Variants in FHAD1 observed in about 807,000 individuals in gnomAD.
FHAD1 encodes forkhead-associated domain-containing protein 1.
Under a neutral mutation model 191.3 loss-of-function variants are expected in FHAD1, and 146 were observed. That is an observed-to-expected ratio of 0.76 (90% CI 0.67 to 0.88). FHAD1 has a LOEUF of 0.88. Among genes scored for constraint, FHAD1 ranks in the 40% least tolerant of loss-of-function variants. FHAD1 has a pLI of 0.00. For missense variants in FHAD1, 1,635 were observed against 1,785.8 expected (o/e 0.92, Z 1.52); for synonymous variants, 616 against 672.3 (o/e 0.92, Z 1.29).
Position 15,328,629 on chromosome 1 carries a change from G to A in FHAD1, c.1710+200G>A, listed in dbSNP as rs573161034. 3.8e-5 allele frequency: 17 copies of A among 443,276 alleles called. No individual in the cohort carries two copies. The South Asian group carries it at 4.0e-4, about 10-fold the overall frequency. The allele number at this position is 443,276 out of a possible 1,614,324, so 27.5% of individuals were successfully genotyped here. Reference sequence around the variant, plus strand: ...AAAATGCCTCCCGGGAGAACTTGGCGTGTCCAAAAAAGATGCCTGAGCATC... The same window carrying A: ...AAAATGCCTCCCGGGAGAACTTGGCATGTCCAAAAAAGATGCCTGAGCATC... On this transcript the variant is annotated intron_variant, in intron 13 of 33. Transcript: ENST00000688493.
chr1:15,366,413 A>G (rs1212774050), intron 24 of FHAD1, among the ~76,000 whole-genome samples: 1 of 151,610 alleles, frequency 6.6e-6, no homozygotes, highest in Non-Finnish European at 1.5e-5. Context: ...CCTGATTCCT[A>G]CCCGCACTGA....
intron 2 of FHAD1, among the ~76,000 whole-genome samples, chr1:15,272,074 T>C (rs1323618965): frequency 6.6e-6 from 1 of 152,200 alleles, no homozygotes; most frequent in Non-Finnish European, 1.5e-5. Flanking sequence ...ATTTCCCCAC[T>C]CAACAACTTA....
In FHAD1 at chr1:15,318,882, A is replaced by C. The variant is rs1299805590; in HGVS notation, c.1365+954A>C. Among the ~76,000 whole-genome samples, 1 of 152,222 alleles carries C rather than the reference A, an allele frequency of 6.6e-6. No individual in the cohort carries two copies. Among genetic ancestry groups the C allele is most frequent in the Non-Finnish European group, 1.5e-5 (1 of 68,030 alleles). ...ATCACACATTTATTTTAATTTTTTT[A>C]ACTGAAAATATCTTCGAGAGTCCTG... On this transcript the variant is annotated intron_variant, in intron 10 of 33. Transcript: ENST00000688493. This position sits in a 1 kb window ranked among gnomAD's most constrained non-coding sequence, Gnocchi z 4.1.
chr1:15,263,607 C>T (rs777774673), intron 2 of FHAD1, among the ~76,000 whole-genome samples: 3 of 150,636 alleles, frequency 2.0e-5, no homozygotes, highest in East Asian at 2.0e-4. Context: ...CTGCAAGCTC[C>T]GCCTCACGGG....
chr1:15,402,247 C>A (rs1707145349), downstream of FHAD1, among the ~76,000 whole-genome samples: 1 of 152,230 alleles, frequency 6.6e-6, no homozygotes, highest in Non-Finnish European at 1.5e-5. Flanking sequence ...TACTCCTTTT[C>A]AAATTCTGAT....
intron 31 of FHAD1, chr1:15,384,018 A>G (rs1259358142): frequency 2.7e-5 from 6 of 225,254 alleles, no homozygotes; most frequent in African/African-American, 1.0e-4. Context: ...GTGTGTGCAC[A>G]TGTGTACCAT....
intron 33 of FHAD1, 42 bp from the exon 34 acceptor site, chr1:15,397,230 ACTTGAGTGGAACAATTGGAGTCTTG>A (rs1264853287): frequency 1.4e-6 from 1 of 701,336 alleles, no homozygotes; most frequent in African/African-American, 1.8e-5. Flanking sequence ...TAACAAAACC[ACTTGAGTGGAACAATTGGAGTCTTG>A]CTGCAATGGA....
intron 28 of FHAD1, among the ~76,000 whole-genome samples, chr1:15,378,028 G>T (rs547951687): frequency 6.6e-6 from 1 of 152,164 alleles, no homozygotes; most frequent in Admixed American, 6.5e-5. Context: ...TTCAGGCCAG[G>T]CACGGTGGCT....
chr1:15,259,524 A>C (rs1285915203), intron 2 of FHAD1, among the ~76,000 whole-genome samples: 3 of 152,200 alleles, frequency 2.0e-5, no homozygotes, highest in Non-Finnish European at 2.9e-5. Flanking sequence ...ACATCTAAAA[A>C]TCTAAATATC....
chr1:15,332,897 C>T (rs1183226601), intron 14 of FHAD1, among the ~76,000 whole-genome samples: 2 of 152,172 alleles, frequency 1.3e-5, no homozygotes, highest in South Asian at 2.1e-4. Context: ...CTTGTTAACA[C>T]GCACCCTGGG....
chr1:15,343,800 G>C (rs1047375264), intron 16 of FHAD1: 3 of 152,188 alleles, frequency 2.0e-5, no homozygotes, highest in Non-Finnish European at 4.4e-5. Flanking sequence ...AATCTTCGCA[G>C]AACTCTCCAC....
chr1:15,302,222 G>C (rs1303534365), intron 6 of FHAD1, among the ~76,000 whole-genome samples: 1 of 152,194 alleles, frequency 6.6e-6, no homozygotes, highest in Non-Finnish European at 1.5e-5. Flanking sequence ...CAGCCAGAGA[G>C]AGCTATGGGA....
At position 15,360,603 on chromosome 1, in the gene FHAD1, C is replaced by T. The variant is rs564833185; in HGVS notation, c.2862C>T (p.His954=). 9 of 1,552,058 alleles carry T rather than the reference C, an allele frequency of 5.8e-6. No individual in the cohort carries two copies. The highest frequency in any genetic ancestry group is 2.7e-5 in the African/African-American group (2 of 73,142). ...AATATAAGGAGCAAATCAAACAGCA[C>T]GCCCAGACAATTGTGAGCCTCGAAG... ...IMEYKEQIKQ[H]AQTIVSLEEK... The change falls in exon 22 of 34, where the codon CAC becomes CAT. Residue 954 remains histidine, a synonymous_variant. Coordinates refer to ENST00000688493, the MANE Select transcript of FHAD1 (RefSeq NM_001391957.1).
chr1:15,357,390 C>T (rs752538488), intron 20 of FHAD1, among the ~76,000 whole-genome samples: 3 of 151,970 alleles, frequency 2.0e-5, no homozygotes, highest in Non-Finnish European at 2.9e-5. Flanking sequence ...TTTGGGAGGC[C>T]GAGGCAGGCG....
rs1653710170 is a variant in FHAD1 at position 15,266,765 on chromosome 1, CT to C, written c.94-5557del. Among the ~76,000 whole-genome samples, 3 of 152,182 alleles carry C rather than the reference CT, an allele frequency of 2.0e-5. No homozygotes were observed. The South Asian group carries it at 6.2e-4, about 31-fold the overall frequency. ...GTTCAACACAGCCCCCCACCTTCCCCTGACCCCTGGCAACCACAAATCTTTC... is the reference window on the plus strand; with the variant it reads ...GTTCAACACAGCCCCCCACCTTCCCCGACCCCTGGCAACCACAAATCTTTC... On this transcript the variant is annotated intron_variant, in intron 2 of 33. Coordinates refer to ENST00000688493, the MANE Select transcript of FHAD1 (RefSeq NM_001391957.1).
chr1:15,242,273 C>T (rs1177172490), upstream of FHAD1, among the ~76,000 whole-genome samples: 1 of 150,198 alleles, frequency 6.7e-6, no homozygotes, highest in Non-Finnish European at 1.5e-5. Flanking sequence ...AAGTACAGCA[C>T]TTTGTAATCT....
chr1:15,262,930 C>G (rs911525663), intron 2 of FHAD1, among the ~76,000 whole-genome samples: 1 of 152,196 alleles, frequency 6.6e-6, no homozygotes, highest in African/African-American at 2.4e-5. Flanking sequence ...AGCCACAGTG[C>G]ACGAGGGTTT....
At chr1:15,399,481 G>A (rs137899789), downstream of FHAD1, among the ~76,000 whole-genome samples, 421 of 152,146 alleles carry the variant, frequency 2.8e-3, no homozygotes, top group African/African-American at 9.5e-3. Flanking sequence ...TGGGAGGATC[G>A]CTTGAGCCCA....
intron 16 of FHAD1, among the ~76,000 whole-genome samples, chr1:15,344,139 A>G (rs1390440253): frequency 1.3e-5 from 2 of 152,146 alleles, no homozygotes; most frequent in Non-Finnish European, 1.5e-5. Flanking sequence ...CCTTCCTCTG[A>G]TACTCGGATT....
Sources: gnomAD v4.1 joint callset for allele counts (sites outside exome capture counted in the v4.1 genomes callset) on GRCh38, gnomAD v4.1.1 for gene constraint, Gnocchi (gnomAD v3.1) non-coding constraint, MANE v1.5 for transcripts, NCBI Gene and HGNC (gene_info 2026-07-23, HGNC 2026-07-21) for gene names.